The following ATF7IP variants were observed in gnomAD, a reference collection of about 807,000 sequenced individuals.
ATF7IP encodes activating transcription factor 7 interacting protein, also known as activating transcription factor 7-interacting protein 1.
In ATF7IP, 23 loss-of-function variants were observed where a neutral mutation model predicts 106.4. The ratio of observed to expected loss-of-function variants is 0.22; its 90% CI spans 0.16 to 0.31. ATF7IP has a LOEUF of 0.31. ATF7IP is among the 10% of genes least tolerant of loss of function. The pLI is 1.00. For synonymous variants in ATF7IP, 542 were observed against 539.0 expected, an observed-to-expected ratio of 1.01 and a Z score of -0.08; for missense variants, 1,334 against 1,524.3, an observed-to-expected ratio of 0.88 and a Z score of 2.08.
At chr12:14,485,080 C>T (rs1202257103) in intron 13 of ATF7IP, among the ~76,000 whole-genome samples, 2 of 152,116 alleles carry the variant, frequency 1.3e-5, no homozygotes, top group Non-Finnish European at 2.9e-5. Flanking sequence ...GCCAAAGGCT[C>T]TCACAGCATC....
Position 14,438,084 on chromosome 12 carries a change from G to C in ATF7IP, c.1792-46G>C, listed in dbSNP as rs368961957. On this transcript the variant is annotated intron_variant, in intron 4 of 14. Coordinates refer to ENST00000261168, the MANE Select transcript of ATF7IP (RefSeq NM_018179.5). ...AAAGAATATTTACTGTTTATTGCTT[G>C]CTGGAATGCCTTCTTGGCATAATGA... The C allele has an allele frequency of 2.5e-6, 4 of 1,583,586 alleles. No individual in the cohort carries two copies. The East Asian group carries it at 6.7e-5, about 27-fold the overall frequency.
intron 1 of ATF7IP, among the ~76,000 whole-genome samples, chr12:14,408,137 C>CAA (rs1940704066): frequency 6.6e-6 from 1 of 151,640 alleles, no homozygotes; most frequent in African/African-American, 2.4e-5. Context: ...CACACACACA[C>CAA]ACACAAATAT....
rs765912343 is a variant in ATF7IP at position 14,445,148 on chromosome 12, G to A, written c.1930-1840G>A. The stretch of plus-strand genomic sequence containing the variant: ...TGGGACTACAGGCGCGCGCCACCAC[G>A]CCTGGCTAATTTTTGTATTTTTAGT... On this transcript the variant is annotated intron_variant, in intron 5 of 14. Transcript: ENST00000261168. 3.3e-5 allele frequency among the ~76,000 whole-genome samples: 5 copies of A among 151,748 alleles called. No individual in the cohort carries two copies. The South Asian group carries it at 6.3e-4, about 19-fold the overall frequency.
At chr12:14,425,551 T>A in intron 2 of ATF7IP, 78 bp downstream of exon 2, 1 of 1,379,568 alleles carries the variant, frequency 7.2e-7, no homozygotes, top group South Asian at 1.7e-5. Context: ...CATAATGTTT[T>A]AAATTTATTT....
intron 13 of ATF7IP, chr12:14,481,779 T>A (rs1309677206): frequency 5.3e-6 from 1 of 187,596 alleles, no homozygotes; most frequent in African/African-American, 2.4e-5. Flanking sequence ...AATGGTCAAT[T>A]GTGATTTACC....
chr12:14,385,044 G>T, intron 1 of ATF7IP: 1 of 222,612 alleles, frequency 4.5e-6, no homozygotes, highest in Non-Finnish European at 8.8e-6. Context: ...ATCTGGATGT[G>T]CCCAAAGTCT....
At chr12:14,365,949 AG>A (rs1466725970) in intron 1 of ATF7IP, 122 bp downstream of exon 1, 2 of 152,252 alleles carry the variant, frequency 1.3e-5, no homozygotes, top group African/African-American at 4.8e-5. Context: ...GCGGTTGCGG[AG>A]CTGCGGGCGG....
chr12:14,474,056 A>C (rs1209580778), intron 10 of ATF7IP, among the ~76,000 whole-genome samples: 2 of 151,966 alleles, frequency 1.3e-5, no homozygotes, highest in East Asian at 3.9e-4. Flanking sequence ...AATGTTTTCC[A>C]CCAAATTTGG....
intron 2 of ATF7IP, among the ~76,000 whole-genome samples, chr12:14,428,872 C>T (rs902783125): frequency 6.6e-6 from 1 of 152,102 alleles, no homozygotes; most frequent in Middle Eastern, 3.4e-3. Flanking sequence ...GCATATATAC[C>T]TTAATAGGTC....
rs117767432 is a variant in ATF7IP, at chr12:14,481,888, G to C, written c.3280+703G>C. ...GAAGGGAAAATGTTAAAGAAAGCTT[G>C]TAGTTTCTTGTATATATCATATATT... On this transcript the variant is annotated intron_variant, in intron 13 of 14. Transcript: ENST00000261168. 5.8e-3 allele frequency: 950 copies of C among 164,260 alleles called. 5 individuals are homozygous for C. Among genetic ancestry groups the C allele is most frequent in the Middle Eastern group, 0.02 (7 of 354 alleles). The allele number at this position is 164,260 out of a possible 1,614,324, so 10.2% of individuals were successfully genotyped here. A position where few individuals can be genotyped will look rare whatever the true frequency, so the allele number is the denominator to read the frequency against.
chr12:14,457,142 G>A (rs1337131841), intron 7 of ATF7IP, 65 bp from the exon 8 acceptor site: 1 of 1,356,674 alleles, frequency 7.4e-7, no homozygotes, highest in African/African-American at 1.5e-5. Flanking sequence ...GCTTATTCTA[G>A]ATATCAGTTG....
intron 1 of ATF7IP, among the ~76,000 whole-genome samples, chr12:14,392,122 T>C (rs1449990767): frequency 1.3e-5 from 2 of 152,208 alleles, no homozygotes; most frequent in African/African-American, 4.8e-5. Flanking sequence ...AAAGAACTAA[T>C]ATTGGGGTTT....
At chr12:14,374,731 A>G (rs1340510652) in intron 1 of ATF7IP, among the ~76,000 whole-genome samples, 1 of 152,134 alleles carries the variant, frequency 6.6e-6, no homozygotes, top group African/African-American at 2.4e-5. Flanking sequence ...AGAACTCTTA[A>G]TAGCTCTGTG....
intron 1 of ATF7IP, among the ~76,000 whole-genome samples, chr12:14,407,474 C>G (rs181220116): frequency 6.6e-6 from 1 of 151,174 alleles, no homozygotes; most frequent in Non-Finnish European, 1.5e-5. Flanking sequence ...TTATATTAGA[C>G]TATACATTGT....
intron 9 of ATF7IP, among the ~76,000 whole-genome samples, chr12:14,462,109 TTGGATTGAAGC>T (rs1446497839): frequency 6.6e-6 from 1 of 152,128 alleles, no homozygotes; most frequent in African/African-American, 2.4e-5. Context: ...AAAATTAATG[TTGGATTGAAGC>T]TGGATATCAC....
At chr12:14,450,235 C>T (rs1385040539) in intron 6 of ATF7IP, among the ~76,000 whole-genome samples, 1 of 152,170 alleles carries the variant, frequency 6.6e-6, no homozygotes, top group Non-Finnish European at 1.5e-5. Context: ...GGCATGCTTG[C>T]TTAATTCCTG....
chr12:14,416,496 A>C (rs1360818633), intron 1 of ATF7IP, among the ~76,000 whole-genome samples: 1 of 152,212 alleles, frequency 6.6e-6, no homozygotes, highest in Non-Finnish European at 1.5e-5. Context: ...AGTATACTTC[A>C]TCAGATATTC....
chr12:14,429,173 C>T (rs559594739), intron 2 of ATF7IP, among the ~76,000 whole-genome samples: 6 of 152,138 alleles, frequency 3.9e-5, no homozygotes, highest in South Asian at 2.1e-4. Context: ...TGGTAGCTGC[C>T]GCCCTCCTAA....
rs556008647 is a variant in ATF7IP at position 14,478,416 on chromosome 12, C to T, written c.3041C>T (p.Pro1014Leu). 4.3e-5 allele frequency: 70 copies of T among 1,614,112 alleles called. No homozygotes were observed. The Middle Eastern group carries it at 1.2e-3, about 27-fold the overall frequency. The change falls in exon 12 of 15, where the codon CCA becomes CTA. Residue 1014 changes from proline (P) to leucine (L), a missense_variant. Transcript: ENST00000261168. ...QPIQPAPPLQ[P>L]SGVPTSGPSQ... is the part of the protein sequence containing the mutation. ...ATACAACCAGCACCGCCTCTTCAAC[C>T]ATCTGGGGTGCCAACAAGTGGACCA...
Sources: gnomAD v4.1 joint callset for allele counts (sites outside exome capture counted in the v4.1 genomes callset) on GRCh38, gnomAD v4.1.1 for gene constraint, MANE v1.5 for transcripts, NCBI Gene and HGNC (gene_info 2026-07-23, HGNC 2026-07-21) for gene names.